The following DTNA variants were observed in gnomAD, a reference collection of about 807,000 sequenced individuals.
DTNA encodes dystrophin-related protein 3.
Under a neutral mutation model 100.7 loss-of-function variants are expected in DTNA, and 43 were observed. The ratio of observed to expected loss-of-function variants is 0.43; its 90% CI spans 0.33 to 0.55. The LOEUF (loss-of-function observed/expected upper bound fraction) is 0.55, where lower values mean the gene tolerates loss of function less well. Ranked by LOEUF, DTNA falls within the 20% of genes least tolerant of loss-of-function variation. DTNA has a pLI of 0.04. For missense variants in DTNA, 798 were observed against 953.9 expected (o/e 0.84, Z 2.15); for synonymous variants, 349 against 347.9 (o/e 1.00, Z -0.04).
intron 1 of DTNA, among the ~76,000 whole-genome samples, chr18:34,570,626 T>A (rs533177500): frequency 1.1e-3 from 166 of 152,300 alleles, no homozygotes; most frequent in African/African-American, 3.9e-3. Context: ...TCTGAAGAAT[T>A]TGCACAGATT....
At chr18:34,732,465 G>A (rs964821076) in intron 1 of DTNA, among the ~76,000 whole-genome samples, 1 of 152,178 alleles carries the variant, frequency 6.6e-6, no homozygotes, top group African/African-American at 2.4e-5. Context: ...TCTAAAATGA[G>A]AAGCCTGGGC....
chr18:34,745,210 C>G (rs1209929457), intron 1 of DTNA, among the ~76,000 whole-genome samples: 5 of 151,968 alleles, frequency 3.3e-5, no homozygotes, highest in Non-Finnish European at 5.9e-5. Context: ...CCTGCCTCTC[C>G]CCTTCCCAAC....
At chr18:34,586,656 G>A (rs1479803424) in intron 1 of DTNA, among the ~76,000 whole-genome samples, 1 of 152,152 alleles carries the variant, frequency 6.6e-6, no homozygotes, top group African/African-American at 2.4e-5. Context: ...ACTTGAATTA[G>A]AACCAGTTTT....
At chr18:34,733,777 C>T (rs564814597) in intron 1 of DTNA, among the ~76,000 whole-genome samples, 5 of 152,266 alleles carry the variant, frequency 3.3e-5, no homozygotes, top group African/African-American at 1.2e-4. Context: ...CCTTTGGATC[C>T]CTTCCTTTAT....
intron 1 of DTNA, among the ~76,000 whole-genome samples, chr18:34,680,466 T>C (rs901244735): frequency 2.6e-5 from 4 of 152,098 alleles, no homozygotes; most frequent in Non-Finnish European, 5.9e-5. Context: ...TGAAGAAAGG[T>C]GATCTTCAGA....
intron 1 of DTNA, among the ~76,000 whole-genome samples, chr18:34,690,587 T>C (rs2079612213): frequency 6.6e-6 from 1 of 152,218 alleles, no homozygotes; most frequent in African/African-American, 2.4e-5. Flanking sequence ...TCAGCCATCT[T>C]GCCACAATGG....
At chr18:34,520,796 T>A (rs1200047645) in intron 1 of DTNA, among the ~76,000 whole-genome samples, 1 of 152,230 alleles carries the variant, frequency 6.6e-6, no homozygotes, top group Non-Finnish European at 1.5e-5. Context: ...AGGTAACTAC[T>A]GCTTTTGAAC....
intron 12 of DTNA, 132 bp from the exon 13 acceptor site, chr18:34,838,613 C>CACTT: frequency 1.3e-6 from 1 of 750,438 alleles, no homozygotes; most frequent in Non-Finnish European, 2.4e-6. Context: ...CATAGCACAT[C>CACTT]ACTTACTACC....
At chr18:34,818,016 G>T (rs1235458660) in intron 7 of DTNA, 148 bp from the exon 8 acceptor site, 2 of 1,544,560 alleles carry the variant, frequency 1.3e-6, no homozygotes, top group Non-Finnish European at 1.7e-6. Context: ...TTCCAGGAAT[G>T]AACTAAATGT....
intron 17 of DTNA, among the ~76,000 whole-genome samples, chr18:34,871,614 C>A (rs1199163862): frequency 6.6e-6 from 1 of 152,208 alleles, no homozygotes; most frequent in Non-Finnish European, 1.5e-5. Context: ...TGGAGGCCAC[C>A]ATCCCACCGA....
chr18:34,818,061 G>A (rs1361655199), intron 7 of DTNA, 103 bp from the exon 8 acceptor site: 43 of 1,602,082 alleles, frequency 2.7e-5, no homozygotes, highest in Admixed American at 3.4e-5. Flanking sequence ...ATCTGAAATC[G>A]TGGTGCAGAG....
At chr18:34,501,995 A>C (rs550951265) in intron 1 of DTNA, among the ~76,000 whole-genome samples, 2 of 152,228 alleles carry the variant, frequency 1.3e-5, no homozygotes, top group Non-Finnish European at 2.9e-5. Flanking sequence ...TAAAAGTCCT[A>C]TCTCTAATAG....
intron 1 of DTNA, among the ~76,000 whole-genome samples, chr18:34,571,432 C>T (rs951472604): frequency 6.6e-6 from 1 of 152,090 alleles, no homozygotes; most frequent in Non-Finnish European, 1.5e-5. Flanking sequence ...ATGGCGCACC[C>T]TAAACTCAGA....
chr18:34,725,545 A>G (rs1465599033), intron 1 of DTNA, among the ~76,000 whole-genome samples: 7 of 152,160 alleles, frequency 4.6e-5, no homozygotes, highest in Admixed American at 3.3e-4. Flanking sequence ...AAACCACAAT[A>G]CGATACTATC....
At chr18:34,825,225 G>A in intron 9 of DTNA, 1 of 1,612,796 alleles carries the variant, frequency 6.2e-7, no homozygotes, top group Non-Finnish European at 8.5e-7. Context: ...ATATTACCAT[G>A]ATTAACGGTC....
At chr18:34,843,945 C>A (rs1259871813) in intron 13 of DTNA, among the ~76,000 whole-genome samples, 1 of 152,158 alleles carries the variant, frequency 6.6e-6, no homozygotes, top group Non-Finnish European at 1.5e-5. Context: ...GTTACCTACA[C>A]TTACTGACAG....
At chr18:34,751,329 G>A (rs921193590) in intron 1 of DTNA, among the ~76,000 whole-genome samples, 12 of 152,208 alleles carry the variant, frequency 7.9e-5, no homozygotes, top group African/African-American at 1.9e-4. Flanking sequence ...TCCGTTAGTC[G>A]TGTGTTCCCA....
At chr18:34,725,573 G>A (rs1196810095) in intron 1 of DTNA, among the ~76,000 whole-genome samples, 17 of 152,160 alleles carry the variant, frequency 1.1e-4, no homozygotes, top group Non-Finnish European at 2.5e-4. Flanking sequence ...AGTTAGAATG[G>A]CGATCATTAA....
intron 1 of DTNA, among the ~76,000 whole-genome samples, chr18:34,596,163 A>G (rs1290627202): frequency 6.6e-6 from 1 of 152,148 alleles, no homozygotes; most frequent in East Asian, 1.9e-4. Context: ...CATATGCCAA[A>G]TCTTCACCAT....
Sources: allele counts gnomAD v4.1 joint callset (sites outside exome capture counted in the v4.1 genomes callset), GRCh38; gene constraint gnomAD v4.1.1; transcripts MANE v1.5; gene names NCBI Gene and HGNC (gene_info 2026-07-23, HGNC 2026-07-21).